EYS: variants seen among roughly 807,000 people sequenced by gnomAD.
EYS encodes the protein protein eyes shut homolog.
A neutral mutation model predicts 282.1 loss-of-function variants in EYS; 250 were observed. The ratio of observed to expected loss-of-function variants is 0.89; its 90% CI spans 0.80 to 0.98. The LOEUF (loss-of-function observed/expected upper bound fraction) is 0.98. Among genes scored for constraint, EYS ranks in the 50% least tolerant of loss-of-function variants. EYS has a pLI of 0.00. For missense variants in EYS, 4,016 were observed against 3,709.0 expected (o/e 1.08, Z -2.15); for synonymous variants, 1,355 against 1,282.9 (o/e 1.06, Z -1.20).
At chr6:64,812,785 A>AC (rs11404181) in intron 22 of EYS, among the ~76,000 whole-genome samples, 66,626 of 151,594 alleles carry the variant, frequency 0.44, 15,593 homozygotes, top group Admixed American at 0.62. Context: ...TTATTATTTT[A>AC]AAGTTGAACA....
intron 1 of EYS, among the ~76,000 whole-genome samples, chr6:65,688,486 G>T (rs1769113973): frequency 6.6e-6 from 1 of 152,080 alleles, no homozygotes; most frequent in Non-Finnish European, 1.5e-5. Flanking sequence ...AACCCTAGAA[G>T]AAAACCTAGG....
At chr6:64,533,574 G>A (rs1394886295) in intron 26 of EYS, among the ~76,000 whole-genome samples, 3 of 151,950 alleles carry the variant, frequency 2.0e-5, no homozygotes, top group Non-Finnish European at 4.4e-5. Flanking sequence ...CTCTGTTAAG[G>A]ATTCTTTACC....
intron 36 of EYS, among the ~76,000 whole-genome samples, chr6:63,832,043 G>C (rs570632880): frequency 6.6e-6 from 1 of 152,122 alleles, no homozygotes; most frequent in African/African-American, 2.4e-5. Flanking sequence ...AACATATCAG[G>C]ATCTCTGGGA....
intron 32 of EYS, among the ~76,000 whole-genome samples, chr6:64,076,399 AAC>A (rs1771772260): frequency 6.6e-6 from 1 of 151,904 alleles, no homozygotes; most frequent in Non-Finnish European, 1.5e-5. Flanking sequence ...AGAACTACGA[AAC>A]ACAGTTTCAG....
chr6:64,944,579 T>C (rs917967017), intron 15 of EYS, among the ~76,000 whole-genome samples: 1 of 152,052 alleles, frequency 6.6e-6, no homozygotes, highest in South Asian at 2.1e-4. Context: ...CCCCATATGA[T>C]AGTCTGAAAT....
intron 22 of EYS, among the ~76,000 whole-genome samples, chr6:64,801,873 G>T (rs1306474901): frequency 6.6e-6 from 1 of 151,930 alleles, no homozygotes; most frequent in East Asian, 1.9e-4. Context: ...GCTGAGGAGA[G>T]ATTCTCCAAA....
At chr6:64,164,375 T>G (rs1562233214) in intron 31 of EYS, among the ~76,000 whole-genome samples, 2 of 152,126 alleles carry the variant, frequency 1.3e-5, no homozygotes, top group Admixed American at 6.5e-5. Flanking sequence ...GATTTAGATC[T>G]TGACCCCTAA....
chr6:65,232,356 T>A (rs1052387171), intron 12 of EYS, among the ~76,000 whole-genome samples: 1 of 152,104 alleles, frequency 6.6e-6, no homozygotes, highest in Non-Finnish European at 1.5e-5. Flanking sequence ...AAATATTGCC[T>A]AAAACCACTG....
intron 28 of EYS, among the ~76,000 whole-genome samples, chr6:64,415,796 C>T (rs564898163): frequency 1.2e-4 from 19 of 152,198 alleles, no homozygotes; most frequent in African/African-American, 4.1e-4. Context: ...TTTAGCATCT[C>T]GTAAGGAAAT....
intron 12 of EYS, among the ~76,000 whole-genome samples, chr6:65,127,583 T>C (rs1012224591): frequency 1.3e-5 from 2 of 152,158 alleles, no homozygotes; most frequent in Non-Finnish European, 2.9e-5. Context: ...TTACTGTAGC[T>C]GTGTTATTGT....
At chr6:63,900,911 G>A (rs1352712140) in intron 35 of EYS, among the ~76,000 whole-genome samples, 2 of 152,092 alleles carry the variant, frequency 1.3e-5, no homozygotes, top group Non-Finnish European at 2.9e-5. Flanking sequence ...AACAACAACC[G>A]TGAGGTGGAA....
intron 2 of EYS, among the ~76,000 whole-genome samples, chr6:65,637,238 G>T (rs1302016678): frequency 6.6e-6 from 1 of 152,112 alleles, no homozygotes; most frequent in Non-Finnish European, 1.5e-5. Context: ...AGTTTCTGGT[G>T]AATAATTTAA....
In EYS at chr6:64,921,304, C is replaced by A. The variant is rs1029146769; in HGVS notation, c.2382-8561G>T. Among the ~76,000 whole-genome samples the A allele has an allele frequency of 5.3e-5, 8 of 152,068 alleles. No individual in the cohort carries two copies. The East Asian group carries it at 1.5e-3, about 29-fold the overall frequency. On this transcript the variant is annotated intron_variant, in intron 15 of 42. Coordinates refer to ENST00000503581, the MANE Select transcript of EYS (RefSeq NM_001142800.2). ...ATCTTTCCACATACAGAATTATTAA[C>A]CCATTATTTTATTAAAATTTAAAAT...
At chr6:64,599,287 C>A (rs595567) in intron 24 of EYS, among the ~76,000 whole-genome samples, 18,635 of 152,034 alleles carry the variant, frequency 0.12, 1,180 homozygotes, top group East Asian at 0.17. Flanking sequence ...GAAGCAGGGA[C>A]TGATCCAGGA....
chr6:64,814,999 T>C (rs1305059088), intron 21 of EYS, among the ~76,000 whole-genome samples: 1 of 151,986 alleles, frequency 6.6e-6, no homozygotes, highest in Non-Finnish European at 1.5e-5. Flanking sequence ...ATGGAAGCCA[T>C]TGCATTAATA....
chr6:64,238,805 A>G (rs1027800517), intron 30 of EYS, among the ~76,000 whole-genome samples: 1 of 152,132 alleles, frequency 6.6e-6, no homozygotes, highest in African/African-American at 2.4e-5. Flanking sequence ...CAGAATGTGC[A>G]GGTTTGTTAC....
At chr6:64,292,695 A>G (rs1394587295) in intron 30 of EYS, among the ~76,000 whole-genome samples, 2 of 152,054 alleles carry the variant, frequency 1.3e-5, no homozygotes, top group Non-Finnish European at 2.9e-5. Context: ...ATTTTGTGTT[A>G]GTTGCTTTTT....
At chr6:65,414,313 T>C (rs1303828397) in intron 5 of EYS, among the ~76,000 whole-genome samples, 1 of 152,182 alleles carries the variant, frequency 6.6e-6, no homozygotes, top group Non-Finnish European at 1.5e-5. Flanking sequence ...GGAAAGATTA[T>C]GGAGCATTTT....
intron 28 of EYS, among the ~76,000 whole-genome samples, chr6:64,397,030 C>T (rs966205226): frequency 2.0e-5 from 3 of 151,944 alleles, no homozygotes; most frequent in African/African-American, 4.8e-5. Context: ...CTAATGCTAA[C>T]GCCTTATAAT....
Sources: allele counts gnomAD v4.1 joint callset (sites outside exome capture counted in the v4.1 genomes callset), GRCh38; gene constraint gnomAD v4.1.1; transcripts MANE v1.5; gene names NCBI Gene and HGNC (gene_info 2026-07-23, HGNC 2026-07-21).